GAN: variants seen among roughly 807,000 people sequenced by gnomAD.
GAN encodes the protein gigaxonin, also known as epididymis secretory sperm binding protein.
A neutral mutation model predicts 71.3 loss-of-function variants in GAN; 48 were observed. The observed-to-expected ratio is 0.67, with a 90% CI of 0.53 to 0.86. GAN has a LOEUF of 0.86. Ranked by LOEUF, GAN falls within the 40% of genes least tolerant of loss-of-function variation. GAN has a pLI of 0.00. For synonymous variants in GAN, 386 were observed against 276.8 expected (o/e 1.39, Z -3.92); for missense variants, 928 against 770.1 (o/e 1.21, Z -2.43).
intron 1 of GAN, among the ~76,000 whole-genome samples, chr16:81,340,048 G>A (rs748485916): frequency 2.0e-5 from 3 of 152,058 alleles, no homozygotes; most frequent in Non-Finnish European, 2.9e-5. Flanking sequence ...CTTCCTCTTA[G>A]CCATTGTGTA....
chr16:81,319,411 G>T (rs1057062813), intron 1 of GAN, among the ~76,000 whole-genome samples: 3 of 151,920 alleles, frequency 2.0e-5, no homozygotes, highest in African/African-American at 7.3e-5. Flanking sequence ...TTCTGGCACA[G>T]TCCCATTGAT....
chr16:81,321,555 C>G lies in GAN; in HGVS notation c.167+6275C>G, dbSNP rs377579690. Among the ~76,000 whole-genome samples, 5 of 152,162 alleles carry G rather than the reference C, an allele frequency of 3.3e-5. No individual in the cohort carries two copies. The South Asian group carries it at 6.2e-4, about 19-fold the overall frequency. On this transcript the variant is annotated intron_variant, in intron 1 of 10. Transcript: ENST00000648994. ...TGATATAGAGTAAGCATCCAGTTTT[C>G]AAAACCGCCTTATCCATTGTTTAAA...
Position 81,363,829 on chromosome 16 carries a change from G to T in GAN, c.1122G>T (p.Gly374=), listed in dbSNP as rs773330475. The change falls in exon 7 of 11, where the codon GGG becomes GGT. Residue 374 remains glycine, a synonymous_variant. Coordinates refer to ENST00000648994, the MANE Select transcript of GAN (RefSeq NM_022041.4). Reference sequence around the variant, plus strand: ...ACTTCGGAATTGTGGAGATAGATGGGATGCTGTACATTTTGGGAGGAGAGG... The same window carrying T: ...ACTTCGGAATTGTGGAGATAGATGGTATGCTGTACATTTTGGGAGGAGAGG... ...RHNFGIVEID[G]MLYILGGEDG... 18 of 1,613,090 alleles carry T rather than the reference G, an allele frequency of 1.1e-5. No homozygotes were observed. Among genetic ancestry groups the T allele is most frequent in the Non-Finnish European group, 1.5e-5 (18 of 1,179,032 alleles).
chr16:81,343,887 ATCT>A (rs1480789811), intron 1 of GAN, among the ~76,000 whole-genome samples: 10 of 152,338 alleles, frequency 6.6e-5, no homozygotes, highest in East Asian at 3.9e-4. Context: ...TCAGCCCAAA[ATCT>A]TCTTAAGCTG....
intron 1 of GAN, among the ~76,000 whole-genome samples, chr16:81,316,180 G>C (rs933271245): frequency 2.6e-5 from 4 of 152,118 alleles, no homozygotes; most frequent in Admixed American, 1.3e-4. Context: ...TTGCAAACTA[G>C]GTTGCTGTTT....
At chr16:81,328,884 C>T (rs976587830) in intron 1 of GAN, among the ~76,000 whole-genome samples, 8 of 152,050 alleles carry the variant, frequency 5.3e-5, no homozygotes, top group African/African-American at 2.4e-5. Flanking sequence ...GTCACATATT[C>T]TTCTTTGTTT....
intron 1 of GAN, among the ~76,000 whole-genome samples, chr16:81,334,952 A>G (rs908793146): frequency 2.6e-5 from 4 of 152,178 alleles, no homozygotes; most frequent in Non-Finnish European, 5.9e-5. Context: ...GAAACAAACA[A>G]AGTCACTATT....
rs533027742 is a variant in GAN, at chr16:81,379,569, T to C, written c.*1973T>C. On this transcript the variant is annotated 3_prime_UTR_variant, in exon 11 of 11. Coordinates refer to ENST00000648994, the MANE Select transcript of GAN (RefSeq NM_022041.4). ...AGATCTTTTTAATGAAAGCAAACTA[T>C]GTGGCCTCTGCAAAGAAAGGAAGAT... 34 of 152,202 alleles carry C rather than the reference T, an allele frequency of 2.2e-4. No individual in the cohort carries two copies. Among genetic ancestry groups the C allele is most frequent in the African/African-American group, 6.7e-4 (28 of 41,524 alleles). 9.4% of individuals were successfully genotyped at this position (152,202 alleles called of 1,614,324 possible).
At chr16:81,364,892 A>G (rs1022191095) in intron 7 of GAN, 82 bp from the exon 8 acceptor site, 15 of 1,347,340 alleles carry the variant, frequency 1.1e-5, no homozygotes, top group African/African-American at 4.3e-5. Context: ...CTCTTTAAGT[A>G]TGGCCCAGAC....
Position 81,362,613 on chromosome 16 carries a change from T to A in GAN, c.1086+2T>A. On this transcript the variant is annotated splice_donor_variant, in intron 6 of 10. Coordinates refer to ENST00000648994, the MANE Select transcript of GAN (RefSeq NM_022041.4). LOFTEE classifies it high-confidence loss of function. Reference sequence around the variant, plus strand: ...ACAGCATTGCCACCTATGAACGAGGTAAAACACTAGTTGGTTGGTTTGTTT... The same window carrying A: ...ACAGCATTGCCACCTATGAACGAGGAAAAACACTAGTTGGTTGGTTTGTTT... 7.2e-7 allele frequency: 1 copy of A among 1,385,072 alleles called. No individual in the cohort carries two copies. The highest frequency in any genetic ancestry group is 1.0e-6 in the Non-Finnish European group (1 of 970,480). 85.8% of individuals were successfully genotyped at this position (1,385,072 alleles called of 1,614,324 possible).
chr16:81,347,624 C>A (rs1468814824), intron 1 of GAN, among the ~76,000 whole-genome samples: 1 of 151,870 alleles, frequency 6.6e-6, no homozygotes, highest in African/African-American at 2.4e-5. Flanking sequence ...CTGAAAATGT[C>A]TTTGTTCCCC....
At chr16:81,315,459 C>T (rs923745694) in intron 1 of GAN, among the ~76,000 whole-genome samples, 179 bp downstream of exon 1, 5 of 151,878 alleles carry the variant, frequency 3.3e-5, no homozygotes, top group African/African-American at 1.2e-4. Flanking sequence ...CTGACCGCGT[C>T]CCCCAGGCGG....
In GAN at chr16:81,384,908, C is replaced by T. The variant is rs1050175697; in HGVS notation, c.*7312C>T. On this transcript the variant is annotated 3_prime_UTR_variant, in exon 11 of 11. Coordinates refer to ENST00000648994, the MANE Select transcript of GAN (RefSeq NM_022041.4). ...ACCAGTTGTAGGCAAGACTCTTCCT[C>T]TCGGGAGATCTTGTAATAATGGCCC... 7 of 154,120 alleles carry T rather than the reference C, an allele frequency of 4.5e-5. No individual in the cohort carries two copies. Among genetic ancestry groups the T allele is most frequent in the African/African-American group, 1.4e-4 (6 of 41,504 alleles). The allele number at this position is 154,120 out of a possible 1,614,324, so 9.5% of individuals were successfully genotyped here.
At position 81,316,209 on chromosome 16, in the gene GAN, G is replaced by A. The variant is rs963327327; in HGVS notation, c.167+929G>A. Among the ~76,000 whole-genome samples the A allele has an allele frequency of 3.3e-5, 5 of 152,180 alleles. No individual in the cohort carries two copies. In the East Asian group the frequency reaches 9.7e-4, roughly 29 times the overall value. On this transcript the variant is annotated intron_variant, in intron 1 of 10. Coordinates refer to ENST00000648994, the MANE Select transcript of GAN (RefSeq NM_022041.4). ...GCTGTTTTAATAAAAGGAAAGGGGG[G>A]AATGCTAAAAACTGGAGAAACTGAC... is the stretch of plus-strand genomic sequence containing the variant.
At chr16:81,337,876 C>G (rs1909816887) in intron 1 of GAN, among the ~76,000 whole-genome samples, 1 of 152,116 alleles carries the variant, frequency 6.6e-6, no homozygotes, top group Non-Finnish European at 1.5e-5. Flanking sequence ...ACATGATGTG[C>G]AAGAAGTATA....
intron 9 of GAN, among the ~76,000 whole-genome samples, chr16:81,374,554 A>G (rs146184255): frequency 2.7e-4 from 41 of 152,292 alleles, no homozygotes; most frequent in African/African-American, 9.4e-4. Context: ...ATGTTTTCCA[A>G]TTATTTATAG....
At chr16:81,346,962 C>CAA (rs1193627967) in intron 1 of GAN, among the ~76,000 whole-genome samples, 1 of 151,866 alleles carries the variant, frequency 6.6e-6, no homozygotes, top group Non-Finnish European at 1.5e-5. Flanking sequence ...CCAAAGCAAG[C>CAA]AAAAAAGGGT....
At chr16:81,372,556 G>C (rs1425275585) in intron 9 of GAN, among the ~76,000 whole-genome samples, 1 of 152,194 alleles carries the variant, frequency 6.6e-6, no homozygotes, top group African/African-American at 2.4e-5. Flanking sequence ...TTCATTTGAA[G>C]CCTTGTCTTT....
intron 9 of GAN, among the ~76,000 whole-genome samples, chr16:81,376,614 A>G (rs1234059987): frequency 1.3e-5 from 2 of 150,422 alleles, no homozygotes; most frequent in Admixed American, 6.7e-5. Context: ...ATATGTATGT[A>G]TATGTATATA....
Sources: gnomAD v4.1 joint callset for allele counts (sites outside exome capture counted in the v4.1 genomes callset) on GRCh38, gnomAD v4.1.1 for gene constraint, MANE v1.5 for transcripts, NCBI Gene and HGNC (gene_info 2026-07-23, HGNC 2026-07-21) for gene names.